The following PGCKA1 variants were observed in gnomAD, a reference collection of about 807,000 sequenced individuals.
The protein encoded by PGCKA1 is PDCD10 and GCKIII kinases associated 1, also known as PDCD10 and GCKIII kinases-associated protein 1.
At chr4:37,560,449 G>A in the PGCKA1 span, among the ~76,000 whole-genome samples, 11 of 152,100 alleles carry the variant, frequency 7.2e-5, no homozygotes, top group Admixed American at 1.3e-4. Context: ...CTGGATTGCC[G>A]GGCACTGCTG....
the PGCKA1 span, among the ~76,000 whole-genome samples, chr4:37,572,181 G>A: frequency 0.19 from 27,438 of 146,608 alleles, 2,886 homozygotes; most frequent in Non-Finnish European, 0.26. Flanking sequence ...TCCTGCCTCA[G>A]CCTCCCAAGT....
At chr4:37,540,208 C>T in the PGCKA1 span, among the ~76,000 whole-genome samples, 7 of 152,174 alleles carry the variant, frequency 4.6e-5, no homozygotes, top group South Asian at 6.2e-4. Flanking sequence ...TTTGTGCATG[C>T]GTGCATAATT....
chr4:37,583,887 A>C, the PGCKA1 span, among the ~76,000 whole-genome samples: 3 of 152,190 alleles, frequency 2.0e-5, no homozygotes, highest in Admixed American at 6.5e-5. Context: ...TTGCTCAGTA[A>C]TAAAGGGTAC....
chr4:37,552,568 A>G, the PGCKA1 span, among the ~76,000 whole-genome samples: 2 of 152,228 alleles, frequency 1.3e-5, no homozygotes, highest in Non-Finnish European at 2.9e-5. Context: ...CAATGTGCTA[A>G]GAGAAACCAG....
chr4:37,471,267 G>A, the PGCKA1 span, among the ~76,000 whole-genome samples: 1 of 152,170 alleles, frequency 6.6e-6, no homozygotes, highest in African/African-American at 2.4e-5. Context: ...ATTTGCCATA[G>A]TTGAGTATGG....
At chr4:37,454,134 C>A in the PGCKA1 span, 1 of 152,856 alleles carries the variant, frequency 6.5e-6, no homozygotes, top group South Asian at 1.8e-4. Context: ...CTCTCCGAGT[C>A]GCCTACTTTT....
the PGCKA1 span, among the ~76,000 whole-genome samples, chr4:37,514,724 G>A: frequency 6.6e-6 from 1 of 152,194 alleles, no homozygotes; most frequent in Non-Finnish European, 1.5e-5. Context: ...GTGGGATTCA[G>A]GCAGGACTTA....
At chr4:37,491,827 A>T in the PGCKA1 span, among the ~76,000 whole-genome samples, 1 of 151,964 alleles carries the variant, frequency 6.6e-6, no homozygotes, top group Non-Finnish European at 1.5e-5. Flanking sequence ...ATCTGCCTTT[A>T]TCTGTCCTCT....
At chr4:37,520,642 G>T in the PGCKA1 span, among the ~76,000 whole-genome samples, 1 of 151,716 alleles carries the variant, frequency 6.6e-6, no homozygotes, top group African/African-American at 2.4e-5. Context: ...TTTTGAGACG[G>T]AGTCTCACTC....
chr4:37,593,091 A>T, the PGCKA1 span, among the ~76,000 whole-genome samples: 1 of 152,236 alleles, frequency 6.6e-6, no homozygotes, highest in Non-Finnish European at 1.5e-5. Flanking sequence ...GCCCTTAAAA[A>T]GATAAAGTCT....
chr4:37,481,055 G>T, the PGCKA1 span, among the ~76,000 whole-genome samples: 1 of 152,178 alleles, frequency 6.6e-6, no homozygotes, highest in African/African-American at 2.4e-5. Context: ...ATCTAATCCA[G>T]CATTTCCCCA....
chr4:37,530,497 C>A, the PGCKA1 span, among the ~76,000 whole-genome samples: 2 of 149,110 alleles, frequency 1.3e-5, no homozygotes, highest in African/African-American at 2.5e-5. Context: ...TCGCTTGAAC[C>A]CAGAAGACAG....
At chr4:37,461,261 C>T in the PGCKA1 span, among the ~76,000 whole-genome samples, 1 of 151,996 alleles carries the variant, frequency 6.6e-6, no homozygotes, top group Non-Finnish European at 1.5e-5. Flanking sequence ...ATGCCTCCAC[C>T]TTTGTTCTTT....
At chr4:37,572,355 C>T in the PGCKA1 span, among the ~76,000 whole-genome samples, 6,644 of 152,154 alleles carry the variant, frequency 0.044, 360 homozygotes, top group African/African-American at 0.13. Context: ...CGTGAGCCAA[C>T]GTGCCCGGCC....
chr4:37,514,352 A>C, the PGCKA1 span, among the ~76,000 whole-genome samples: 1 of 152,206 alleles, frequency 6.6e-6, no homozygotes, highest in Non-Finnish European at 1.5e-5. Context: ...GGTGAGGACA[A>C]ATATTCAAAC....
At chr4:37,569,156 G>A in the PGCKA1 span, among the ~76,000 whole-genome samples, 5 of 152,086 alleles carry the variant, frequency 3.3e-5, no homozygotes, top group East Asian at 3.9e-4. Flanking sequence ...TGGTGATGGC[G>A]TTATGGCTAG....
the PGCKA1 span, among the ~76,000 whole-genome samples, chr4:37,548,923 C>T: frequency 6.6e-6 from 1 of 152,190 alleles, no homozygotes; most frequent in Non-Finnish European, 1.5e-5. Context: ...TGGCAGAGGC[C>T]CTGTTTATCT....
At chr4:37,511,566 C>T in the PGCKA1 span, among the ~76,000 whole-genome samples, 4 of 131,910 alleles carry the variant, frequency 3.0e-5, no homozygotes, top group African/African-American at 1.2e-4. Context: ...GGCTGAGCTG[C>T]TATCCAAGAT....
At chr4:37,585,016 T>A in the PGCKA1 span, among the ~76,000 whole-genome samples, 1 of 149,376 alleles carries the variant, frequency 6.7e-6, no homozygotes, top group Non-Finnish European at 1.5e-5. Flanking sequence ...GTTTTTTTTT[T>A]TTTTTTTACT....
Sources: gnomAD v4.1 joint callset for allele counts (sites outside exome capture counted in the v4.1 genomes callset) on GRCh38, gnomAD v4.1.1 for gene constraint, MANE v1.5 for transcripts, NCBI Gene and HGNC (gene_info 2026-07-23, HGNC 2026-07-21) for gene names.